Variants in FHIT observed in about 807,000 individuals in gnomAD.
FHIT encodes fragile histidine triad diadenosine triphosphatase.
In FHIT, 19 loss-of-function variants were observed where a neutral mutation model predicts 17.9. The observed-to-expected ratio is 1.06, with a 90% CI of 0.74 to 1.56. FHIT has a LOEUF of 1.56. FHIT is among the 40% of genes most tolerant of loss of function. The probability of loss-of-function intolerance (pLI) is 0.00; values close to 1 mark genes in which losing one functional copy is unlikely to be tolerated. For synonymous variants in FHIT, 81 were observed against 69.7 expected (o/e 1.16, Z -0.81); for missense variants, 248 against 189.2 (o/e 1.31, Z -1.82).
At chr3:61,227,149 T>C (rs1342660612) in intron 1 of FHIT, among the ~76,000 whole-genome samples, 5 of 152,242 alleles carry the variant, frequency 3.3e-5, no homozygotes, top group Middle Eastern at 6.8e-3. Flanking sequence ...GGAGGACTTT[T>C]CTCCTCAGAA....
At chr3:61,200,906 G>C (rs1420131850) in intron 1 of FHIT, among the ~76,000 whole-genome samples, 2 of 152,134 alleles carry the variant, frequency 1.3e-5, no homozygotes, top group Non-Finnish European at 2.9e-5. Context: ...CAAATCTACA[G>C]TCAAATCTTT....
At chr3:60,731,890 AT>A (rs568539883) in intron 4 of FHIT, among the ~76,000 whole-genome samples, 90 of 152,266 alleles carry the variant, frequency 5.9e-4, no homozygotes, top group Non-Finnish European at 1.2e-3. Flanking sequence ...CCCAACTCAT[AT>A]CTGACTAGCT....
At chr3:61,006,705 A>G (rs2031475361) in intron 3 of FHIT, among the ~76,000 whole-genome samples, 1 of 151,916 alleles carries the variant, frequency 6.6e-6, no homozygotes, top group Non-Finnish European at 1.5e-5. Context: ...AAAAACCTTT[A>G]CAAACCCTTA....
intron 3 of FHIT, among the ~76,000 whole-genome samples, chr3:60,961,997 T>C (rs1323899969): frequency 1.3e-5 from 2 of 152,230 alleles, no homozygotes; most frequent in East Asian, 3.8e-4. Context: ...GGGATGGCGT[T>C]GAATCTATAA....
intron 7 of FHIT, among the ~76,000 whole-genome samples, chr3:59,990,801 T>C (rs1709193538): frequency 6.6e-6 from 1 of 152,050 alleles, no homozygotes; most frequent in Non-Finnish European, 1.5e-5. Flanking sequence ...CTACTGGCAT[T>C]TTAGAACAGA....
intron 5 of FHIT, among the ~76,000 whole-genome samples, chr3:60,210,524 C>A (rs1482231612): frequency 8.6e-3 from 3 of 350 alleles, no homozygotes; most frequent in African/African-American, 0.033. Context: ...TAAAAATCCC[C>A]AATATACACC....
intron 8 of FHIT, among the ~76,000 whole-genome samples, chr3:59,866,995 G>T (rs1702683153): frequency 6.6e-6 from 1 of 151,456 alleles, no homozygotes; most frequent in African/African-American, 2.4e-5. Context: ...CTAATGTTTT[G>T]CTTTCTATGA....
intron 4 of FHIT, among the ~76,000 whole-genome samples, chr3:60,623,245 A>G (rs371516620): frequency 1.3e-5 from 2 of 152,318 alleles, no homozygotes; most frequent in East Asian, 3.9e-4. Context: ...CCAATATGCC[A>G]TCACTTTATT....
At chr3:60,021,928 C>G (rs1474502419) in intron 5 of FHIT, among the ~76,000 whole-genome samples, 1 of 152,154 alleles carries the variant, frequency 6.6e-6, no homozygotes, top group East Asian at 1.9e-4. Flanking sequence ...TTGAGAAACA[C>G]TGCATGAAAT....
In FHIT at chr3:60,747,694, C is replaced by T. The variant is rs78044154; in HGVS notation, c.-18+74225G>A. Among the ~76,000 whole-genome samples the T allele has an allele frequency of 1.1e-3, 166 of 152,276 alleles. 1 individual carries two copies. In the East Asian group the frequency reaches 0.024, roughly 22 times the overall value. The stretch of plus-strand genomic sequence containing the variant: ...GGGGTGACAGGAGCAACAGAATCAA[C>T]GACAATTCAATGTGTGTTCATGACA... On this transcript the variant is annotated intron_variant, in intron 4 of 9. Coordinates refer to ENST00000492590, the MANE Select transcript of FHIT (RefSeq NM_002012.4).
rs966616721 is a variant in FHIT, at chr3:59,766,776, C to T, written c.349-14455G>A. 2.0e-5 allele frequency among the ~76,000 whole-genome samples: 3 copies of T among 152,192 alleles called. No homozygotes were observed. The East Asian group carries it at 5.8e-4, about 29-fold the overall frequency. On this transcript the variant is annotated intron_variant, in intron 8 of 9. Transcript: ENST00000492590. ...CCTATCATTGGGGAATGAAACAGCA[C>T]ACTGATTGCTATTTGGGTAGGAAAC...
chr3:59,899,213 G>A (rs896152397), intron 8 of FHIT, among the ~76,000 whole-genome samples: 2 of 152,100 alleles, frequency 1.3e-5, no homozygotes, highest in East Asian at 1.9e-4. Flanking sequence ...TTACCTCCAG[G>A]GTCACATGCG....
At chr3:60,520,555 T>C (rs751747766) in intron 5 of FHIT, among the ~76,000 whole-genome samples, 2 of 152,158 alleles carry the variant, frequency 1.3e-5, no homozygotes, top group Non-Finnish European at 2.9e-5. Context: ...TTCCAGCATG[T>C]ACAGGCTGAA....
At chr3:60,437,672 G>A (rs1446775155) in intron 5 of FHIT, among the ~76,000 whole-genome samples, 4 of 152,026 alleles carry the variant, frequency 2.6e-5, no homozygotes, top group East Asian at 1.9e-4. Context: ...GTGGTCACAT[G>A]GCAATTAAAT....
In FHIT at chr3:59,753,916, T is replaced by C. The variant is rs968107794; in HGVS notation, c.349-1595A>G. 2.0e-5 allele frequency among the ~76,000 whole-genome samples: 3 copies of C among 152,294 alleles called. No homozygotes were observed. In the East Asian group the frequency reaches 5.8e-4, roughly 29 times the overall value. On this transcript the variant is annotated intron_variant, in intron 8 of 9. Coordinates refer to ENST00000492590, the MANE Select transcript of FHIT (RefSeq NM_002012.4). ...GTGTCCCTAAAGAGCATCCCACAGA[T>C]ACTGTTCCACTCCATTTTGAAAAAG...
chr3:59,965,484 T>C (rs1204882451), intron 7 of FHIT, among the ~76,000 whole-genome samples: 1 of 152,184 alleles, frequency 6.6e-6, no homozygotes, highest in Non-Finnish European at 1.5e-5. Context: ...CTTAGTTTCT[T>C]GCAGAACTGT....
At chr3:60,675,812 A>G (rs181776043) in intron 4 of FHIT, among the ~76,000 whole-genome samples, 31 of 152,380 alleles carry the variant, frequency 2.0e-4, no homozygotes, top group Admixed American at 2.0e-3. Context: ...GTGCAATCAC[A>G]GCAAATCAAA....
At chr3:61,124,636 C>T (rs2036556105) in intron 2 of FHIT, among the ~76,000 whole-genome samples, 1 of 152,060 alleles carries the variant, frequency 6.6e-6, no homozygotes, top group African/African-American at 2.4e-5. Context: ...AGATGAAAAC[C>T]TCATGGACAA....
intron 5 of FHIT, among the ~76,000 whole-genome samples, chr3:60,321,994 T>C (rs889024227): frequency 2.6e-5 from 4 of 152,354 alleles, no homozygotes; most frequent in East Asian, 1.9e-4. Context: ...TTCCAACATA[T>C]AACTTTTGGA....
Sources: gnomAD v4.1 joint callset for allele counts (sites outside exome capture counted in the v4.1 genomes callset) on GRCh38, gnomAD v4.1.1 for gene constraint, MANE v1.5 for transcripts, NCBI Gene and HGNC (gene_info 2026-07-23, HGNC 2026-07-21) for gene names.